The following PTPRN2 variants were observed in gnomAD, a reference collection of about 807,000 sequenced individuals.
PTPRN2 encodes receptor-type tyrosine-protein phosphatase N2.
A neutral mutation model predicts 118.8 loss-of-function variants in PTPRN2; 74 were observed. The observed-to-expected ratio is 0.62, with a 90% CI of 0.52 to 0.76. The LOEUF is 0.76. Among genes scored for constraint, PTPRN2 ranks in the 30% least tolerant of loss-of-function variants. The pLI, the probability that PTPRN2 is intolerant of heterozygous loss-of-function variation, is 0.00. For synonymous variants in PTPRN2, 641 were observed against 608.0 expected, an observed-to-expected ratio of 1.05 and a Z score of -0.80; for missense variants, 1,481 against 1,394.4, an observed-to-expected ratio of 1.06 and a Z score of -0.99.
chr7:158,329,834 G>A (rs376353728), intron 2 of PTPRN2, among the ~76,000 whole-genome samples: 37 of 152,090 alleles, frequency 2.4e-4, no homozygotes, highest in Non-Finnish European at 4.0e-4. Flanking sequence ...TGTCCTCTAC[G>A]GAGACTCACT....
intron 3 of PTPRN2, among the ~76,000 whole-genome samples, chr7:158,312,213 CGTGCT>C (rs879935300): frequency 0.52 from 72,281 of 138,714 alleles, 19,361 homozygotes; most frequent in Non-Finnish European, 0.59. Context: ...TGCACACACA[CGTGCT>C]CACAGACACC....
At chr7:157,702,520 A>T (rs1467058708) in intron 12 of PTPRN2, among the ~76,000 whole-genome samples, 1 of 152,194 alleles carries the variant, frequency 6.6e-6, no homozygotes, top group Non-Finnish European at 1.5e-5. Context: ...GCCCACGCTC[A>T]CTGGCTGGCT....
chr7:157,566,860 C>T (rs961825180), intron 21 of PTPRN2, among the ~76,000 whole-genome samples: 11 of 152,324 alleles, frequency 7.2e-5, no homozygotes, highest in East Asian at 3.9e-4. Context: ...CCTGTGGAGA[C>T]GCACGCTGGG....
chr7:158,062,790 G>A (rs1810452636), intron 11 of PTPRN2, among the ~76,000 whole-genome samples: 1 of 152,202 alleles, frequency 6.6e-6, no homozygotes, highest in African/African-American at 2.4e-5. Context: ...ATTCTTGCTG[G>A]GCCTCAGCTG....
intron 3 of PTPRN2, among the ~76,000 whole-genome samples, chr7:158,306,265 A>T (rs1801276256): frequency 6.6e-6 from 1 of 152,238 alleles, no homozygotes; most frequent in Non-Finnish European, 1.5e-5. Context: ...GGTGCTTTGC[A>T]AAGCTCTGAC....
At chr7:157,948,433 A>G (rs1433106124) in intron 11 of PTPRN2, among the ~76,000 whole-genome samples, 4 of 152,190 alleles carry the variant, frequency 2.6e-5, no homozygotes, top group Non-Finnish European at 5.9e-5. Flanking sequence ...CCACTAAGAA[A>G]ATAACAAAAA....
chr7:157,712,041 G>C lies in PTPRN2; in HGVS notation c.1789-29104C>G, dbSNP rs183794031. 3.5e-3 allele frequency among the ~76,000 whole-genome samples: 71 copies of C among 20,218 alleles called. 4 individuals are homozygous for C. The highest frequency in any genetic ancestry group is 3.5e-3 in the African/African-American group (19 of 5,420). The allele number at this position is 20,218 out of a possible 152,430, so 13.3% of individuals were successfully genotyped here. The stretch of plus-strand genomic sequence containing the variant: ...GGGGGGCCGGGCAGGCCACATGAGT[G>C]GGGGGAGGGGCTGCGTGGTGGAAGG... On this transcript the variant is annotated intron_variant, in intron 12 of 22. Transcript: ENST00000389418.
At chr7:158,362,778 C>T (rs1346258048) in intron 2 of PTPRN2, among the ~76,000 whole-genome samples, 1 of 152,164 alleles carries the variant, frequency 6.6e-6, no homozygotes, top group Non-Finnish European at 1.5e-5. Flanking sequence ...AGAAGGAAGG[C>T]AGGGGTCTGA....
At chr7:158,226,408 G>A (rs1828779827) in intron 3 of PTPRN2, among the ~76,000 whole-genome samples, 1 of 152,178 alleles carries the variant, frequency 6.6e-6, no homozygotes, top group African/African-American at 2.4e-5. Context: ...GGAAGGCTGG[G>A]AACACACCAG....
chr7:157,810,025 G>A (rs751860924), intron 12 of PTPRN2, among the ~76,000 whole-genome samples: 18 of 152,198 alleles, frequency 1.2e-4, no homozygotes, highest in African/African-American at 2.7e-4. Context: ...GCTGGAAGCC[G>A]GGGCCACCGT....
At chr7:158,143,685 C>T (rs750509124) in intron 6 of PTPRN2, among the ~76,000 whole-genome samples, 3 of 152,212 alleles carry the variant, frequency 2.0e-5, no homozygotes, top group Non-Finnish European at 4.4e-5. Flanking sequence ...AGAGTAACGA[C>T]CTGACCAGAG....
rs142201058 is a variant in PTPRN2 at position 158,227,943 on chromosome 7, C to T, written c.278-22670G>A. Among the ~76,000 whole-genome samples the T allele has an allele frequency of 8.0e-3, 1,221 of 152,320 alleles. 8 individuals carry two copies. Among genetic ancestry groups the T allele is most frequent in the African/African-American group, 0.028 (1,149 of 41,576 alleles). On this transcript the variant is annotated intron_variant, in intron 3 of 22. Transcript: ENST00000389418. ...CACAGACTCCTTGACATGGTTTTAA[C>T]TCACATTTTCACAATCCCTGGAAAA...
intron 4 of PTPRN2, among the ~76,000 whole-genome samples, chr7:158,202,903 TACAG>T (rs1283021152): frequency 6.6e-6 from 1 of 152,208 alleles, no homozygotes; most frequent in Non-Finnish European, 1.5e-5. Context: ...GTCCTTTTTA[TACAG>T]ACAAAGACCA....
At chr7:158,569,704 G>C (rs1319145421) in intron 1 of PTPRN2, among the ~76,000 whole-genome samples, 4 of 135,982 alleles carry the variant, frequency 2.9e-5, no homozygotes, top group Non-Finnish European at 4.8e-5. Flanking sequence ...CGCCTGACAG[G>C]AACGCGGGGC....
chr7:157,609,249 G>C lies in PTPRN2; in HGVS notation c.2345-5174C>G, dbSNP rs1802185914. ...AATACAAAAATTAGCCAGGCGTGGT[G>C]GTGGGCGGCTGTAATCCCAGCTACT... On this transcript the variant is annotated intron_variant, in intron 15 of 22. Coordinates refer to ENST00000389418, the MANE Select transcript of PTPRN2 (RefSeq NM_002847.5). The surrounding 1 kb of genome is among the most constrained non-coding windows in gnomAD (Gnocchi z 4.9). Among the ~76,000 whole-genome samples the C allele has an allele frequency of 6.6e-6, 1 of 152,152 alleles. No individual in the cohort carries two copies. The highest frequency in any genetic ancestry group is 2.4e-5 in the African/African-American group (1 of 41,424).
intron 11 of PTPRN2, among the ~76,000 whole-genome samples, chr7:158,068,926 A>T (rs532853800): frequency 6.6e-6 from 1 of 152,342 alleles, no homozygotes; most frequent in African/African-American, 2.4e-5. Context: ...TCCACCTTTA[A>T]TCAGTGCTAA....
chr7:157,980,993 G>T (rs931137141), intron 11 of PTPRN2, among the ~76,000 whole-genome samples: 6 of 152,000 alleles, frequency 3.9e-5, no homozygotes, highest in Admixed American at 1.3e-4. Context: ...GGACAGGTGG[G>T]GGGTAAGTAG....
chr7:157,573,066 C>A (rs923916051), intron 19 of PTPRN2, among the ~76,000 whole-genome samples: 1 of 152,238 alleles, frequency 6.6e-6, no homozygotes, highest in Non-Finnish European at 1.5e-5. Context: ...CTTATGTCTA[C>A]TTCTACAATT....
chr7:158,256,178 G>A lies in PTPRN2; in HGVS notation c.278-50905C>T, dbSNP rs547285978. ...GATGTGGGCAGGGAGTGTTGACGACGATGCTTTGATGGTCCTCTTCTGTTG... is the reference window on the plus strand; with the variant it reads ...GATGTGGGCAGGGAGTGTTGACGACAATGCTTTGATGGTCCTCTTCTGTTG... On this transcript the variant is annotated intron_variant, in intron 3 of 22. Coordinates refer to ENST00000389418, the MANE Select transcript of PTPRN2 (RefSeq NM_002847.5). Among the ~76,000 whole-genome samples the A allele has an allele frequency of 6.6e-5, 10 of 152,286 alleles. No individual in the cohort carries two copies. The South Asian group carries it at 8.3e-4, about 13-fold the overall frequency.
Sources: gnomAD v4.1 joint callset for allele counts (sites outside exome capture counted in the v4.1 genomes callset) on GRCh38, gnomAD v4.1.1 for gene constraint, Gnocchi (gnomAD v3.1) non-coding constraint, MANE v1.5 for transcripts, NCBI Gene and HGNC (gene_info 2026-07-23, HGNC 2026-07-21) for gene names.